The following SLC46A1 variants were observed in gnomAD, a reference collection of about 807,000 sequenced individuals.
SLC46A1 encodes solute carrier family 46 member 1.
Under a neutral mutation model 32.1 loss-of-function variants are expected in SLC46A1, and 17 were observed. The observed-to-expected ratio is 0.53, with a 90% CI of 0.36 to 0.79. The LOEUF (loss-of-function observed/expected upper bound fraction) is 0.79, where lower values mean the gene tolerates loss of function less well. Ranked by LOEUF, SLC46A1 falls within the 30% of genes least tolerant of loss-of-function variation. SLC46A1 has a pLI of 0.00. For synonymous variants in SLC46A1, 240 were observed against 262.7 expected, an observed-to-expected ratio of 0.91 and a Z score of 0.84; for missense variants, 517 against 588.2, an observed-to-expected ratio of 0.88 and a Z score of 1.25.
chr17:28,405,351 G>A lies in SLC46A1; in HGVS notation c.346C>T (p.Leu116=). 6.3e-7 allele frequency: 1 copy of A among 1,586,632 alleles called. No individual in the cohort carries two copies. Among genetic ancestry groups the A allele is most frequent in the East Asian group, 2.3e-5 (1 of 43,350 alleles). The change falls in exon 2 of 5, where the codon CTG becomes TTG. Residue 116 remains leucine (L), a synonymous_variant. Transcript: ENST00000612814. ...AGGCCCAGCGAGGCCAGCACTAGCA[G>A]CGGGCGGCGGCCCACACTGTCGCTC... The part of the protein sequence containing the change: ...AWSDSVGRRP[L]LVLASLGLLL...
In SLC46A1 at chr17:28,396,494, A is replaced by C; in HGVS notation, c.*3162T>G. ...GAGGGAAGGGAAGTCAGGCTTGGGCACGGGAGGTTAGAACTCCCCCAGGCC... is the reference window on the plus strand; with the variant it reads ...GAGGGAAGGGAAGTCAGGCTTGGGCCCGGGAGGTTAGAACTCCCCCAGGCC... On this transcript the variant is annotated 3_prime_UTR_variant, in exon 5 of 5. Transcript: ENST00000612814. The C allele has an allele frequency of 1.6e-6, 1 of 616,250 alleles. No homozygotes were observed. The highest frequency in any genetic ancestry group is 2.8e-6 in the Non-Finnish European group (1 of 357,434). 38.2% of individuals were successfully genotyped at this position (616,250 alleles called of 1,614,324 possible).
chr17:28,400,934 C>T (rs1555589489), intron 3 of SLC46A1, 168 bp from the exon 4 acceptor site: 2 of 670,726 alleles, frequency 3.0e-6, no homozygotes, highest in Non-Finnish European at 5.3e-6. Context: ...TCAGTAAGGT[C>T]ATATGTGGAC....
intron 4 of SLC46A1, 48 bp from the exon 5 acceptor site, chr17:28,399,761 A>G (rs1555589136): frequency 6.2e-7 from 1 of 1,603,722 alleles, no homozygotes; most frequent in Non-Finnish European, 8.5e-7. Context: ...GGGAACCCTC[A>G]AGGCCTGTCT....
At chr17:28,399,797 G>T in intron 4 of SLC46A1, 84 bp from the exon 5 acceptor site, 1 of 1,452,598 alleles carries the variant, frequency 6.9e-7, no homozygotes, top group Non-Finnish European at 9.6e-7. Context: ...GATTTACTGG[G>T]GTGGGCTGGT....
chr17:28,400,840 C>T, intron 3 of SLC46A1, 74 bp from the exon 4 acceptor site: 1 of 1,388,076 alleles, frequency 7.2e-7, no homozygotes. Flanking sequence ...CACCTCACAG[C>T]TGTGTGACCG....
At chr17:28,404,371 T>C (rs2068229729) in intron 2 of SLC46A1, 3 of 568,048 alleles carry the variant, frequency 5.3e-6, no homozygotes, top group Admixed American at 3.1e-5. Context: ...TCTATATTAC[T>C]AACAATATTA....
In SLC46A1 at chr17:28,399,468, T is replaced by C. The variant is rs1229428851; in HGVS notation, c.*188A>G. On this transcript the variant is annotated 3_prime_UTR_variant, in exon 5 of 5. Coordinates refer to ENST00000612814, the MANE Select transcript of SLC46A1 (RefSeq NM_080669.6). The stretch of plus-strand genomic sequence containing the variant: ...CTGTGTGGGTTATGATTCTAGATCC[T>C]AGACAGAGGCTGGGTCAGCTGTGGA... The C allele has an allele frequency of 2.6e-5, 16 of 619,198 alleles. No individual in the cohort carries two copies. The Admixed American group carries it at 3.6e-4, about 14-fold the overall frequency. 38.4% of individuals were successfully genotyped at this position (619,198 alleles called of 1,614,324 possible). A position where few individuals can be genotyped will look rare whatever the true frequency, so the allele number is the denominator to read the frequency against.
chr17:28,395,422 C>T lies in SLC46A1; in HGVS notation c.*4234G>A, dbSNP rs1302271049. 6.4e-6 allele frequency: 1 copy of T among 157,412 alleles called. No individual in the cohort carries two copies. The highest frequency in any genetic ancestry group is 2.4e-5 in the African/African-American group (1 of 41,394). 9.8% of individuals were successfully genotyped at this position (157,412 alleles called of 1,614,324 possible). ...TCAACCTGGAGGCTCTTCAAAACCC[C>T]TTGTTTGGGGGTTTTTATGGAGGTT... On this transcript the variant is annotated 3_prime_UTR_variant, in exon 5 of 5. Transcript: ENST00000612814.
rs781782838 is a variant in SLC46A1 at position 28,405,229 on chromosome 17, G to A, written c.468C>T (p.Asp156=). The change falls in exon 2 of 5, where the codon GAC becomes GAT. Residue 156 remains aspartate, a synonymous_variant. Coordinates refer to ENST00000612814, the MANE Select transcript of SLC46A1 (RefSeq NM_080669.6). The stretch of plus-strand genomic sequence containing the variant: ...AGCTAGCAGCCAGAAGGCCACCGAA[G>A]TCGCCGAGGAGGGCACAAAGGATGC... ...LGRILCALLG[D]FGGLLAASFA... is the part of the protein sequence containing the mutation. 13 of 1,593,276 alleles carry A rather than the reference G, an allele frequency of 8.2e-6. No homozygotes were observed. The highest frequency in any genetic ancestry group is 3.6e-5 in the Admixed American group (2 of 55,796).
Position 28,395,811 on chromosome 17 carries a change from A to C in SLC46A1, c.*3845T>G. 2 of 1,469,008 alleles carry C rather than the reference A, an allele frequency of 1.4e-6. No homozygotes were observed. Among genetic ancestry groups the C allele is most frequent in the Non-Finnish European group, 1.9e-6 (2 of 1,063,054 alleles). The allele number at this position is 1,469,008 out of a possible 1,614,324, so 91.0% of individuals were successfully genotyped here. ...AGGACTGGTGTCCTGCCCTGGGCCC[A>C]GCCTCGGGCCAGTGGGCCTCCCAGC... On this transcript the variant is annotated 3_prime_UTR_variant, in exon 5 of 5. Coordinates refer to ENST00000612814, the MANE Select transcript of SLC46A1 (RefSeq NM_080669.6).
At chr17:28,405,837 C>T (rs1361281780) in intron 1 of SLC46A1, 50 bp downstream of exon 1, 3 of 1,508,028 alleles carry the variant, frequency 2.0e-6, no homozygotes, top group Non-Finnish European at 2.7e-6. Flanking sequence ...GCTGCCCCCA[C>T]GCTCCAGACC....
Position 28,404,923 on chromosome 17 carries a change from G to A in SLC46A1, c.774C>T (p.Pro258=), listed in dbSNP as rs781828817. The A allele has an allele frequency of 1.6e-5, 26 of 1,613,940 alleles. No individual in the cohort carries two copies. The highest frequency in any genetic ancestry group is 5.0e-5 in the Admixed American group (3 of 60,010). The change falls in exon 2 of 5, where the codon CCC becomes CCT. Residue 258 remains proline, a synonymous_variant. Coordinates refer to ENST00000612814, the MANE Select transcript of SLC46A1 (RefSeq NM_080669.6). ...HRSIVQLYVA[P]APEKSRKHLA... is the part of the protein sequence containing the mutation. ...AATGTTTCCTGGACTTCTCTGGGGC[G>A]GGAGCCACATAGAGCTGGACAATGG...
rs1035605891 is a variant in SLC46A1, at chr17:28,398,933, G to A, written c.*723C>T. The A allele has an allele frequency of 1.1e-4, 16 of 152,274 alleles. No individual in the cohort carries two copies. The highest frequency in any genetic ancestry group is 1.0e-3 in the Admixed American group (16 of 15,284). 9.4% of individuals were successfully genotyped at this position (152,274 alleles called of 1,614,324 possible). ...GTACCAATCCACCAGGCAGCTCAGG[G>A]CTCCTGCCCAGCCCAGCAGCTTCTG... On this transcript the variant is annotated 3_prime_UTR_variant, in exon 5 of 5. Transcript: ENST00000612814.
rs762025374 is a variant in SLC46A1 at position 28,396,369 on chromosome 17, T to C, written c.*3287A>G. ...GAACAGCTCCTGAAACCAGTCTCCC[T>C]GGGCTGAGACAACCTGGGCTCTTCT... On this transcript the variant is annotated 3_prime_UTR_variant, in exon 5 of 5. Transcript: ENST00000612814. 39 of 1,546,512 alleles carry C rather than the reference T, an allele frequency of 2.5e-5. No homozygotes were observed. The Middle Eastern group carries it at 6.6e-4, about 26-fold the overall frequency.
In SLC46A1 at chr17:28,395,726, G is replaced by T; in HGVS notation, c.*3930C>A. The T allele has an allele frequency of 1.6e-6, 1 of 635,628 alleles. No homozygotes were observed. The highest frequency in any genetic ancestry group is 2.0e-5 in the South Asian group (1 of 50,090). The allele number at this position is 635,628 out of a possible 1,614,324, so 39.4% of individuals were successfully genotyped here. A position where few individuals can be genotyped will look rare whatever the true frequency, so the allele number is the denominator to read the frequency against. ...CTCTGTGCCAGGAACTCTGGGCAAA[G>T]GAAAAATATTTATTTTTTATTACAC... On this transcript the variant is annotated 3_prime_UTR_variant, in exon 5 of 5. Transcript: ENST00000612814.
Position 28,396,042 on chromosome 17 carries a change from C to G in SLC46A1, c.*3614G>C, listed in dbSNP as rs782609914. 5.6e-6 allele frequency: 9 copies of G among 1,613,862 alleles called. No individual in the cohort carries two copies. Among genetic ancestry groups the G allele is most frequent in the Non-Finnish European group, 7.6e-6 (9 of 1,179,820 alleles). ...ACGGTATCAAGTGAGCCCCAGGGCC[C>G]TGGGACCAGGGGGGTAGGGTACAAA... On this transcript the variant is annotated 3_prime_UTR_variant, in exon 5 of 5. Coordinates refer to ENST00000612814, the MANE Select transcript of SLC46A1 (RefSeq NM_080669.6).
At chr17:28,403,612 CTTAA>C (rs1262504132) in intron 2 of SLC46A1, 1 of 152,074 alleles carries the variant, frequency 6.6e-6, no homozygotes, top group African/African-American at 2.4e-5. Context: ...TTCCCTTCTG[CTTAA>C]TTGTCAGACA....
chr17:28,405,777 A>T, intron 1 of SLC46A1, 110 bp downstream of exon 1: 1 of 1,172,402 alleles, frequency 8.5e-7, no homozygotes, highest in Non-Finnish European at 1.1e-6. Context: ...TCCAAAATGC[A>T]CCCTCCCTCC....
Position 28,395,853 on chromosome 17 carries a change from G to A in SLC46A1, c.*3803C>T. ...CCTCCCAGCACCTGCCTGGCTACAA[G>A]GGTCCCTAGATGGGTACAGGGGTAT... On this transcript the variant is annotated 3_prime_UTR_variant, in exon 5 of 5. Transcript: ENST00000612814. 3 of 1,604,708 alleles carry A rather than the reference G, an allele frequency of 1.9e-6. No individual in the cohort carries two copies. Among genetic ancestry groups the A allele is most frequent in the Non-Finnish European group, 8.5e-7 (1 of 1,176,556 alleles).
Sources: allele counts gnomAD v4.1 joint callset, GRCh38; gene constraint gnomAD v4.1.1; transcripts MANE v1.5; gene names NCBI Gene and HGNC (gene_info 2026-07-23, HGNC 2026-07-21).